NRG3: variants seen among roughly 807,000 people sequenced by gnomAD.
NRG3 encodes pro-neuregulin-3, membrane-bound isoform.
NRG3 carries 31 observed loss-of-function variants against 66.9 expected under a neutral mutation model. The ratio of observed to expected loss-of-function variants is 0.46; its 90% confidence interval spans 0.35 to 0.63. The LOEUF is 0.63. Among genes scored for constraint, NRG3 ranks in the 20% least tolerant of loss-of-function variants. The pLI, the probability that NRG3 is intolerant of heterozygous loss-of-function variation, is 0.00. For missense variants in NRG3, 910 were observed against 878.9 expected, an observed-to-expected ratio of 1.04 and a Z score of -0.45; for synonymous variants, 393 against 359.4, an observed-to-expected ratio of 1.09 and a Z score of -1.06.
At chr10:82,740,977 C>T (rs531579859) in intron 3 of NRG3, among the ~76,000 whole-genome samples, 17 of 151,934 alleles carry the variant, frequency 1.1e-4, no homozygotes, top group African/African-American at 2.2e-4. Context: ...GTTGTAAGGA[C>T]GTGGAATTTT....
chr10:82,752,600 A>T (rs1019483653), intron 3 of NRG3, among the ~76,000 whole-genome samples: 1 of 152,188 alleles, frequency 6.6e-6, no homozygotes, highest in African/African-American at 2.4e-5. Context: ...ATAGCATAAT[A>T]TGACTGCTAT....
intron 2 of NRG3, among the ~76,000 whole-genome samples, chr10:82,616,689 G>A (rs960252577): frequency 1.3e-5 from 2 of 152,100 alleles, no homozygotes; most frequent in African/African-American, 4.8e-5. Context: ...GTTAAAAACT[G>A]TATCATAATA....
At chr10:81,945,313 C>T (rs949335775) in intron 1 of NRG3, among the ~76,000 whole-genome samples, 1 of 151,882 alleles carries the variant, frequency 6.6e-6, no homozygotes, top group Admixed American at 6.6e-5. Flanking sequence ...CCTTCTTTCT[C>T]CTTCCTCCTC....
chr10:82,726,293 C>T (rs2057593134), intron 2 of NRG3, among the ~76,000 whole-genome samples: 1 of 152,154 alleles, frequency 6.6e-6, no homozygotes, highest in African/African-American at 2.4e-5. Context: ...TGAGATCTAG[C>T]AAGCATAGTC....
intron 1 of NRG3, among the ~76,000 whole-genome samples, chr10:82,257,731 C>G (rs1040090400): frequency 6.6e-6 from 1 of 151,982 alleles, no homozygotes; most frequent in Admixed American, 6.6e-5. Context: ...CACACCATTG[C>G]CCTTTAGCCT....
intron 1 of NRG3, among the ~76,000 whole-genome samples, chr10:82,322,658 G>A (rs1232578134): frequency 6.6e-6 from 1 of 151,900 alleles, no homozygotes; most frequent in Non-Finnish European, 1.5e-5. Flanking sequence ...AATGCATACA[G>A]GTAAAGTGTA....
At chr10:82,469,462 AGTGGTG>A (rs918939917) in intron 2 of NRG3, among the ~76,000 whole-genome samples, 2 of 150,626 alleles carry the variant, frequency 1.3e-5, no homozygotes, top group African/African-American at 5.0e-5. Context: ...GATGCCTCTT[AGTGGTG>A]GTGGTGGTGG....
intron 2 of NRG3, among the ~76,000 whole-genome samples, chr10:82,598,290 G>T (rs971229427): frequency 6.6e-6 from 1 of 152,174 alleles, no homozygotes; most frequent in Non-Finnish European, 1.5e-5. Flanking sequence ...GTCAATGCCT[G>T]CAGATAAGCA....
intron 2 of NRG3, among the ~76,000 whole-genome samples, chr10:82,369,114 A>G (rs1450103433): frequency 7.3e-6 from 1 of 136,694 alleles, no homozygotes; most frequent in Non-Finnish European, 1.5e-5. Context: ...AACATAAAAG[A>G]TGGCTTAAGG....
rs1000461506 is a variant in NRG3, at chr10:82,605,096, G to A, written c.954-133481G>A. 3.3e-5 allele frequency among the ~76,000 whole-genome samples: 5 copies of A among 151,988 alleles called. No homozygotes were observed. In the South Asian group the frequency reaches 8.3e-4, roughly 25 times the overall value. On this transcript the variant is annotated intron_variant, in intron 2 of 8. Transcript: ENST00000372141. ...ACATTGTGGAGTAGGAGTGGTGAAA[G>A]CATACATTCTTACTTTGTTTCTGAT...
chr10:82,005,608 AT>A lies in NRG3; in HGVS notation c.823+129446del, dbSNP rs1428152536. Among the ~76,000 whole-genome samples the A allele has an allele frequency of 2.6e-5, 4 of 152,310 alleles. No individual in the cohort carries two copies. The East Asian group carries it at 7.7e-4, about 29-fold the overall frequency. ...CTGATACAAACACCTGAAGTGAATG[AT>A]ACCAGTAAAGTTACCATCCTTTTTT... is the stretch of plus-strand genomic sequence containing the variant. On this transcript the variant is annotated intron_variant, in intron 1 of 8. Coordinates refer to ENST00000372141, the MANE Select transcript of NRG3 (RefSeq NM_001010848.4).
chr10:82,936,761 A>T (rs7900398), intron 4 of NRG3, among the ~76,000 whole-genome samples: 2,234 of 152,282 alleles, frequency 0.015, 48 homozygotes, highest in African/African-American at 0.04. Flanking sequence ...AAATATATTT[A>T]AAAAAATTAA....
At chr10:82,325,168 C>G (rs1489413487) in intron 1 of NRG3, among the ~76,000 whole-genome samples, 1 of 151,784 alleles carries the variant, frequency 6.6e-6, no homozygotes, top group Non-Finnish European at 1.5e-5. Flanking sequence ...AGTATCATTA[C>G]TCTTTTGTTT....
chr10:82,474,534 T>C (rs1841581883), intron 2 of NRG3, among the ~76,000 whole-genome samples: 2 of 152,192 alleles, frequency 1.3e-5, no homozygotes, highest in East Asian at 1.9e-4. Context: ...ATCATAGAAC[T>C]TGAAGACAAG....
chr10:82,166,733 A>G (rs1466866525), intron 1 of NRG3: 1 of 659,708 alleles, frequency 1.5e-6, no homozygotes, highest in Non-Finnish European at 2.8e-6. Flanking sequence ...TTAGATCAAT[A>G]TAATCATCTG....
chr10:82,940,129 G>T (rs1383090006), intron 4 of NRG3, among the ~76,000 whole-genome samples: 1 of 152,184 alleles, frequency 6.6e-6, no homozygotes, highest in African/African-American at 2.4e-5. Context: ...ATGCAGAAGG[G>T]AAGCTTGGGA....
intron 3 of NRG3, among the ~76,000 whole-genome samples, chr10:82,834,505 A>G (rs932378471): frequency 1.3e-5 from 2 of 152,212 alleles, no homozygotes; most frequent in Non-Finnish European, 2.9e-5. Flanking sequence ...ACGGCCAACA[A>G]TCATTTGGCA....
intron 1 of NRG3, among the ~76,000 whole-genome samples, chr10:82,046,066 C>A (rs1747593417): frequency 7.1e-6 from 1 of 141,316 alleles, no homozygotes; most frequent in South Asian, 2.3e-4. Flanking sequence ...TTTTTGGTTC[C>A]ATATGAACTT....
intron 2 of NRG3, among the ~76,000 whole-genome samples, chr10:82,480,479 G>A (rs922664288): frequency 1.3e-5 from 2 of 152,140 alleles, no homozygotes; most frequent in Non-Finnish European, 2.9e-5. Flanking sequence ...TGTGCTTTGG[G>A]GTTAAGGAAG....
Sources: gnomAD v4.1 joint callset for allele counts (sites outside exome capture counted in the v4.1 genomes callset) on GRCh38, gnomAD v4.1.1 for gene constraint, MANE v1.5 for transcripts, NCBI Gene and HGNC (gene_info 2026-07-23, HGNC 2026-07-21) for gene names.